The following TIMD4 variants were observed in gnomAD, a reference collection of about 807,000 sequenced individuals.
TIMD4 encodes the protein T cell immunoglobulin and mucin domain containing 4.
Under a neutral mutation model 41.2 loss-of-function variants are expected in TIMD4, and 31 were observed. The ratio of observed to expected loss-of-function variants is 0.75; its 90% CI spans 0.57 to 1.01. TIMD4 has a LOEUF of 1.01. Ranked by LOEUF, TIMD4 falls within the 50% of genes least tolerant of loss-of-function variation. The pLI, the probability that TIMD4 is intolerant of heterozygous loss-of-function variation, is 0.00. For synonymous variants in TIMD4, 204 were observed against 177.1 expected, an observed-to-expected ratio of 1.15 and a Z score of -1.21; for missense variants, 479 against 472.5, an observed-to-expected ratio of 1.01 and a Z score of -0.13.
At position 156,948,397 on chromosome 5, in the gene TIMD4, A is replaced by C; in HGVS notation, c.844+19T>G. 7.4e-7 allele frequency: 1 copy of C among 1,355,682 alleles called. No individual in the cohort carries two copies. The highest frequency in any genetic ancestry group is 9.5e-7 in the Non-Finnish European group (1 of 1,048,326). 84.0% of individuals were successfully genotyped at this position (1,355,682 alleles called of 1,614,324 possible). A position where few individuals can be genotyped will look rare whatever the true frequency, so the allele number is the denominator to read the frequency against. ...ATTAATAAAGTAAAATAAAATAAAA[A>C]AAATCACAGCCCCCCTACCTCCAGG... On this transcript the variant is annotated intron_variant, in intron 5 of 8. Coordinates refer to ENST00000274532, the MANE Select transcript of TIMD4 (RefSeq NM_138379.3).
chr5:156,962,212 T>C (rs556917696), intron 1 of TIMD4, among the ~76,000 whole-genome samples: 9 of 152,178 alleles, frequency 5.9e-5, no homozygotes, highest in Non-Finnish European at 1.3e-4. Context: ...GTGGGGTGCC[T>C]ATTGTTATTA....
intron 5 of TIMD4, among the ~76,000 whole-genome samples, chr5:156,928,401 G>GA (rs922228249): frequency 7.3e-5 from 11 of 150,250 alleles, no homozygotes; most frequent in African/African-American, 1.5e-4. Flanking sequence ...GTGGAGGAGA[G>GA]AAAAAAAAAG....
intron 5 of TIMD4, among the ~76,000 whole-genome samples, chr5:156,929,293 G>T (rs935276994): frequency 1.3e-5 from 2 of 152,092 alleles, no homozygotes; most frequent in African/African-American, 4.8e-5. Context: ...TTGAGACAAA[G>T]GCAGGAGCCT....
chr5:156,925,362 G>C (rs1056527130), intron 6 of TIMD4, among the ~76,000 whole-genome samples: 1 of 152,192 alleles, frequency 6.6e-6, no homozygotes, highest in African/African-American at 2.4e-5. Flanking sequence ...TCTTGCTGGG[G>C]CTATGCCATC....
intron 1 of TIMD4, among the ~76,000 whole-genome samples, chr5:156,959,380 G>A (rs1199827084): frequency 1.3e-5 from 2 of 152,118 alleles, no homozygotes; most frequent in Non-Finnish European, 2.9e-5. Flanking sequence ...TCCACTTGAA[G>A]AGGAGTAACA....
chr5:156,925,370 A>G (rs1285943170), intron 6 of TIMD4, among the ~76,000 whole-genome samples: 3 of 152,200 alleles, frequency 2.0e-5, no homozygotes, highest in African/African-American at 7.2e-5. Context: ...GGGCTATGCC[A>G]TCTCCATTGA....
intron 5 of TIMD4, among the ~76,000 whole-genome samples, chr5:156,947,075 G>A (rs1759758590): frequency 6.6e-6 from 1 of 151,944 alleles, no homozygotes; most frequent in Non-Finnish European, 1.5e-5. Flanking sequence ...GCATGTGCCT[G>A]TAGTCCCAGC....
intron 2 of TIMD4, among the ~76,000 whole-genome samples, chr5:156,952,218 A>G (rs977113180): frequency 2.0e-5 from 3 of 151,312 alleles, no homozygotes; most frequent in African/African-American, 7.3e-5. Context: ...TCAACCTGGG[A>G]GGCAGAGGTT....
At chr5:156,963,092 A>G in intron 1 of TIMD4, 49 bp downstream of exon 1, 2 of 1,590,480 alleles carry the variant, frequency 1.3e-6, no homozygotes, top group Non-Finnish European at 1.7e-6. Flanking sequence ...CCATCACACA[A>G]TAGCAAGTCC....
chr5:156,962,962 C>T (rs997861923), intron 1 of TIMD4, among the ~76,000 whole-genome samples, 179 bp downstream of exon 1: 3 of 152,114 alleles, frequency 2.0e-5, no homozygotes, highest in Admixed American at 6.6e-5. Flanking sequence ...CTGGATAAAC[C>T]TCTGTGTAAC....
chr5:156,948,418 C>G lies in TIMD4; in HGVS notation c.842G>C (p.Gly281Ala). 7.0e-7 allele frequency: 1 copy of G among 1,436,348 alleles called. No homozygotes were observed. Among genetic ancestry groups the G allele is most frequent in the East Asian group, 2.6e-5 (1 of 38,164 alleles). The allele number at this position is 1,436,348 out of a possible 1,614,324, so 89.0% of individuals were successfully genotyped here. The change falls in exon 5 of 9, where the codon GGA becomes GCA. Residue 281 changes from glycine to alanine, a missense_variant and splice_region_variant. Coordinates refer to ENST00000274532, the MANE Select transcript of TIMD4 (RefSeq NM_138379.3). ...TSDSVSSPQP[G>A]ASDTAVPEQN... The stretch of plus-strand genomic sequence containing the variant: ...AAAAAAAATCACAGCCCCCCTACCT[C>G]CAGGCTGAGGAGAAGACACAGAATC...
At chr5:156,944,741 G>T (rs1026586553) in intron 5 of TIMD4, among the ~76,000 whole-genome samples, 1 of 151,990 alleles carries the variant, frequency 6.6e-6, no homozygotes, top group Non-Finnish European at 1.5e-5. Context: ...TCCTGATTTC[G>T]TGATCCGCCC....
intron 5 of TIMD4, among the ~76,000 whole-genome samples, chr5:156,938,179 G>A (rs1759574480): frequency 6.6e-6 from 1 of 152,182 alleles, no homozygotes; most frequent in South Asian, 2.1e-4. Flanking sequence ...AGCCAGAAGA[G>A]ACTCCTACCT....
chr5:156,922,003 G>T, intron 7 of TIMD4, 96 bp downstream of exon 7: 1 of 901,286 alleles, frequency 1.1e-6, no homozygotes, highest in Non-Finnish European at 1.7e-6. Flanking sequence ...AGCCTCTTTG[G>T]GGAGGGATAA....
Position 156,936,762 on chromosome 5 carries a change from A to G in TIMD4, c.845-10450T>C, listed in dbSNP as rs1389756072. Among the ~76,000 whole-genome samples, 3 of 143,878 alleles carry G rather than the reference A, an allele frequency of 2.1e-5. 1 individual carries two copies. The highest frequency in any genetic ancestry group is 4.6e-5 in the Non-Finnish European group (3 of 65,466). 94.4% of individuals were successfully genotyped at this position (143,878 alleles called of 152,430 possible). ...TGAAACCCCGTCTCTACAAAAGTAC[A>G]AAAAAAAAAAGAAAAAAAAATTAGC... On this transcript the variant is annotated intron_variant, in intron 5 of 8. Transcript: ENST00000274532.
chr5:156,953,196 CT>C (rs1759895904), intron 2 of TIMD4, among the ~76,000 whole-genome samples: 1 of 152,186 alleles, frequency 6.6e-6, no homozygotes, highest in African/African-American at 2.4e-5. Flanking sequence ...TGGGAGTCAT[CT>C]AACTTCAATA....
At chr5:156,936,892 C>G (rs1379794879) in intron 5 of TIMD4, among the ~76,000 whole-genome samples, 1 of 149,012 alleles carries the variant, frequency 6.7e-6, no homozygotes, top group Non-Finnish European at 1.5e-5. Context: ...AGATGGCGCC[C>G]TTGCCCTCCA....
chr5:156,952,099 G>T (rs1321589606), intron 2 of TIMD4, among the ~76,000 whole-genome samples: 2 of 152,026 alleles, frequency 1.3e-5, no homozygotes, highest in Non-Finnish European at 2.9e-5. Flanking sequence ...AGACCAGCCT[G>T]GTCAACATGG....
At chr5:156,931,444 G>A (rs537204423) in intron 5 of TIMD4, among the ~76,000 whole-genome samples, 2 of 152,328 alleles carry the variant, frequency 1.3e-5, no homozygotes, top group South Asian at 4.1e-4. Flanking sequence ...TTCCATGAGT[G>A]TGTATGATGT....
Sources: allele counts gnomAD v4.1 joint callset (sites outside exome capture counted in the v4.1 genomes callset), GRCh38; gene constraint gnomAD v4.1.1; transcripts MANE v1.5; gene names NCBI Gene and HGNC (gene_info 2026-07-23, HGNC 2026-07-21).